SOBP: variants seen among roughly 807,000 people sequenced by gnomAD.
The protein encoded by SOBP is sine oculis binding protein homolog, also known as sine oculis-binding protein homolog.
In SOBP, 4 loss-of-function variants were observed where a neutral mutation model predicts 53.6. That is an observed-to-expected ratio of 0.07 (90% CI 0.04 to 0.17). The LOEUF is 0.17. SOBP is among the 10% of genes least tolerant of loss of function. SOBP has a pLI of 1.00. For synonymous variants in SOBP, 584 were observed against 522.6 expected (o/e 1.12, Z -1.60); for missense variants, 1,088 against 1,204.7 (o/e 0.90, Z 1.43).
chr6:107,508,124 A>G (rs1183540980), intron 3 of SOBP, among the ~76,000 whole-genome samples: 1 of 152,220 alleles, frequency 6.6e-6, no homozygotes, highest in African/African-American at 2.4e-5. Flanking sequence ...TGTTTTTATT[A>G]GGGAAGATAG....
At chr6:107,534,968 C>G (rs1236698697) in intron 4 of SOBP, among the ~76,000 whole-genome samples, 1 of 152,094 alleles carries the variant, frequency 6.6e-6, no homozygotes, top group African/African-American at 2.4e-5. Context: ...AGTAACAAAC[C>G]CAGGAGTGGG....
At chr6:107,561,614 G>A (rs1166880159) in intron 4 of SOBP, among the ~76,000 whole-genome samples, 1 of 152,172 alleles carries the variant, frequency 6.6e-6, no homozygotes, top group Non-Finnish European at 1.5e-5. Flanking sequence ...CTGCCTGGTG[G>A]GAGCTCTGAT....
At chr6:107,550,144 G>C (rs1583201155) in intron 4 of SOBP, among the ~76,000 whole-genome samples, 2 of 152,196 alleles carry the variant, frequency 1.3e-5, no homozygotes, top group East Asian at 3.9e-4. Context: ...AGGAACAGTT[G>C]ACCCACACTC....
At chr6:107,552,971 G>C (rs1283815209) in intron 4 of SOBP, among the ~76,000 whole-genome samples, 1 of 152,098 alleles carries the variant, frequency 6.6e-6, no homozygotes, top group African/African-American at 2.4e-5. Context: ...AATAGCTAAG[G>C]CTTCCCCATT....
chr6:107,656,344 AG>A lies in SOBP; in HGVS notation c.*4-1862del, dbSNP rs1434179099. On this transcript the variant is annotated intron_variant, in intron 6 of 6. Coordinates refer to ENST00000317357, the MANE Select transcript of SOBP (RefSeq NM_018013.4). Reference sequence around the variant, plus strand: ...GAAAGAAAGAAAGAAAGAAAGAAAGAGAAAGAAAGAAAGAAAGAAAGAAAGT... The same window carrying A: ...GAAAGAAAGAAAGAAAGAAAGAAAGAAAAGAAAGAAAGAAAGAAAGAAAGT... Among the ~76,000 whole-genome samples, 20 of 66,892 alleles carry A rather than the reference AG, an allele frequency of 3.0e-4. 1 individual carries two copies. In the South Asian group the frequency reaches 6.4e-3, roughly 21 times the overall value. 43.9% of individuals were successfully genotyped at this position (66,892 alleles called of 152,430 possible). A position where few individuals can be genotyped will look rare whatever the true frequency, so the allele number is the denominator to read the frequency against.
chr6:107,599,384 C>T (rs150277201), intron 5 of SOBP, among the ~76,000 whole-genome samples: 8 of 151,990 alleles, frequency 5.3e-5, no homozygotes, highest in African/African-American at 1.7e-4. Flanking sequence ...ATGAGTAGTC[C>T]GAATCCGTTT....
intron 2 of SOBP, among the ~76,000 whole-genome samples, 172 bp from the exon 3 acceptor site, chr6:107,506,070 A>T (rs1782983035): frequency 6.6e-6 from 1 of 152,242 alleles, no homozygotes; most frequent in Admixed American, 6.5e-5. Context: ...ATTTATGGTA[A>T]CCACACTAAA....
intron 5 of SOBP, among the ~76,000 whole-genome samples, chr6:107,597,328 C>A (rs746960168): frequency 3.9e-5 from 6 of 152,050 alleles, no homozygotes; most frequent in Non-Finnish European, 8.8e-5. Context: ...CAGTGAAACA[C>A]CATTTTTGGC....
chr6:107,588,522 C>T lies in SOBP; in HGVS notation c.669+1347C>T, dbSNP rs181920185. ...CTGAGGAAACTCTTTTTGTTCATTT[C>T]GGTTTTAATGTGTCTCTGTAACTAT... On this transcript the variant is annotated intron_variant, in intron 5 of 6. Coordinates refer to ENST00000317357, the MANE Select transcript of SOBP (RefSeq NM_018013.4). Among the ~76,000 whole-genome samples the T allele has an allele frequency of 2.2e-4, 34 of 152,280 alleles. 1 individual carries two copies. Among genetic ancestry groups the T allele is most frequent in the South Asian group, 6.2e-4 (3 of 4,816 alleles).
At chr6:107,606,047 T>C (rs1786362706) in intron 5 of SOBP, among the ~76,000 whole-genome samples, 1 of 148,710 alleles carries the variant, frequency 6.7e-6, no homozygotes, top group African/African-American at 2.5e-5. Flanking sequence ...TTGAGAAACA[T>C]ATTGTGTAGA....
intron 4 of SOBP, among the ~76,000 whole-genome samples, chr6:107,549,593 T>A (rs1416392018): frequency 6.6e-6 from 1 of 152,072 alleles, no homozygotes; most frequent in Non-Finnish European, 1.5e-5. Context: ...ACAGCTCCCC[T>A]CCTCATTCAA....
Position 107,598,269 on chromosome 6 carries a change from G to A in SOBP, c.669+11094G>A, listed in dbSNP as rs181456595. Among the ~76,000 whole-genome samples, 5 of 152,308 alleles carry A rather than the reference G, an allele frequency of 3.3e-5. No individual in the cohort carries two copies. The East Asian group carries it at 9.6e-4, about 29-fold the overall frequency. On this transcript the variant is annotated intron_variant, in intron 5 of 6. Transcript: ENST00000317357. ...GGTGTGGCATGGTGACTAGACAATA[G>A]GAATACGTATTAAAATATGTATGTG... is the stretch of plus-strand genomic sequence containing the variant.
chr6:107,552,587 T>C (rs1442128387), intron 4 of SOBP, among the ~76,000 whole-genome samples: 2 of 152,270 alleles, frequency 1.3e-5, no homozygotes, highest in East Asian at 3.9e-4. Context: ...ACACTCACCA[T>C]GTTCAGCCTG....
At chr6:107,620,822 C>T (rs1468864987) in intron 5 of SOBP, among the ~76,000 whole-genome samples, 1 of 152,186 alleles carries the variant, frequency 6.6e-6, no homozygotes, top group Admixed American at 6.5e-5. Flanking sequence ...GTTATGCAGG[C>T]TGTTTGAATT....
At chr6:107,560,807 T>C (rs541764506) in intron 4 of SOBP, among the ~76,000 whole-genome samples, 4 of 152,120 alleles carry the variant, frequency 2.6e-5, no homozygotes, top group Non-Finnish European at 5.9e-5. Flanking sequence ...TACATGGCCA[T>C]GTTCACGGCC....
chr6:107,567,456 C>T (rs1405796223), intron 4 of SOBP, among the ~76,000 whole-genome samples: 1 of 152,186 alleles, frequency 6.6e-6, no homozygotes, highest in African/African-American at 2.4e-5. Context: ...CTCTATTTTC[C>T]ATTAATGTGT....
Position 107,490,554 on chromosome 6 carries a change from G to T in SOBP, c.-63G>T. The T allele has an allele frequency of 1.6e-6, 2 of 1,253,234 alleles. No individual in the cohort carries two copies. The highest frequency in any genetic ancestry group is 2.3e-6 in the Non-Finnish European group (2 of 881,156). The allele number at this position is 1,253,234 out of a possible 1,614,324, so 77.6% of individuals were successfully genotyped here. A position where few individuals can be genotyped will look rare whatever the true frequency, so the allele number is the denominator to read the frequency against. ...CACCACCTCCACCGCCGCCGCCGCCGCCACCACCACCGCCGGCGGCGGCAG... is the reference window on the plus strand; with the variant it reads ...CACCACCTCCACCGCCGCCGCCGCCTCCACCACCACCGCCGGCGGCGGCAG... On this transcript the variant is annotated 5_prime_UTR_variant, in exon 1 of 7. Coordinates refer to ENST00000317357, the MANE Select transcript of SOBP (RefSeq NM_018013.4).
chr6:107,596,102 G>T (rs1419648935), intron 5 of SOBP, among the ~76,000 whole-genome samples: 2 of 152,148 alleles, frequency 1.3e-5, no homozygotes, highest in Non-Finnish European at 2.9e-5. Context: ...AGAGCTTTGT[G>T]TGTCAAGAGC....
rs190663064 is a variant in SOBP at position 107,588,390 on chromosome 6, A to G, written c.669+1215A>G. Among the ~76,000 whole-genome samples the G allele has an allele frequency of 2.2e-4, 34 of 152,330 alleles. No individual in the cohort carries two copies. In the East Asian group the frequency reaches 5.4e-3, roughly 24 times the overall value. On this transcript the variant is annotated intron_variant, in intron 5 of 6. Coordinates refer to ENST00000317357, the MANE Select transcript of SOBP (RefSeq NM_018013.4). ...GTGTAGTCCCTTGACCAACAGATCC[A>G]CAGGCAAATTTGCTGCTTATAAATG...
Sources: gnomAD v4.1 joint callset for allele counts (sites outside exome capture counted in the v4.1 genomes callset) on GRCh38, gnomAD v4.1.1 for gene constraint, MANE v1.5 for transcripts, NCBI Gene and HGNC (gene_info 2026-07-23, HGNC 2026-07-21) for gene names.